The following COL14A1 variants were observed in gnomAD, a reference collection of about 807,000 sequenced individuals.
The protein encoded by COL14A1 is collagen type XIV alpha 1 chain.
Under a neutral mutation model 230.3 loss-of-function variants are expected in COL14A1, and 136 were observed. The observed-to-expected ratio is 0.59, with a 90% CI of 0.51 to 0.68. COL14A1 has a LOEUF of 0.68. COL14A1 is among the 30% of genes least tolerant of loss of function. The probability of loss-of-function intolerance (pLI) is 0.00; values close to 1 mark genes in which losing one functional copy is unlikely to be tolerated. For missense variants in COL14A1, 1,976 were observed against 2,215.8 expected, an observed-to-expected ratio of 0.89 and a Z score of 2.17; for synonymous variants, 792 against 784.1, an observed-to-expected ratio of 1.01 and a Z score of -0.17.
intron 40 of COL14A1, among the ~76,000 whole-genome samples, chr8:120,330,376 A>G (rs1043098165): frequency 6.6e-6 from 1 of 152,196 alleles, no homozygotes; most frequent in Non-Finnish European, 1.5e-5. Context: ...TGGGTAATTT[A>G]TAAAGGAAAG....
intron 26 of COL14A1, among the ~76,000 whole-genome samples, chr8:120,277,086 G>T (rs1330896523): frequency 6.6e-6 from 1 of 152,042 alleles, no homozygotes; most frequent in Non-Finnish European, 1.5e-5. Flanking sequence ...TGATCCAAAA[G>T]TTCCACAGGA....
intron 13 of COL14A1, chr8:120,213,918 C>A (rs1305080468): frequency 2.4e-6 from 1 of 408,688 alleles, no homozygotes; most frequent in South Asian, 1.8e-5. Flanking sequence ...TTTTTCTTTT[C>A]TACACTTTCT....
intron 5 of COL14A1, among the ~76,000 whole-genome samples, chr8:120,175,877 G>T (rs1301390922): frequency 1.3e-5 from 2 of 152,060 alleles, no homozygotes; most frequent in Non-Finnish European, 2.9e-5. Flanking sequence ...TTTCATAATT[G>T]CATAGGCTGT....
At chr8:120,203,546 C>T (rs540192350) in intron 8 of COL14A1, among the ~76,000 whole-genome samples, 163 bp from the exon 9 acceptor site, 14 of 151,884 alleles carry the variant, frequency 9.2e-5, no homozygotes, top group African/African-American at 2.4e-4. Flanking sequence ...CGGTTTATTT[C>T]GTGTGCGCAT....
At chr8:120,364,131 G>A (rs1823323196) in intron 45 of COL14A1, among the ~76,000 whole-genome samples, 1 of 152,088 alleles carries the variant, frequency 6.6e-6, no homozygotes, top group Admixed American at 6.5e-5. Context: ...AAGGACAGTG[G>A]CACTTAGCAC....
At position 120,255,275 on chromosome 8, in the gene COL14A1, G is replaced by C. The variant is rs780352518; in HGVS notation, c.2788G>C (p.Val930Leu). ...LGVTNLQAKH[V>L]EMTSLCAHWQ... ...TGTTACCAATCTCCAAGCCAAACAT[G>C]TTGAAATGACCAGCTTGTGTGCCCA... Residue 930 changes from valine (V) to leucine (L), a missense_variant, in exon 23 of 48, where the codon GTT becomes CTT. Coordinates refer to ENST00000297848, the MANE Select transcript of COL14A1 (RefSeq NM_021110.4). The C allele has an allele frequency of 1.9e-6, 3 of 1,614,148 alleles. No individual in the cohort carries two copies. Among genetic ancestry groups the C allele is most frequent in the Non-Finnish European group, 2.5e-6 (3 of 1,179,998 alleles).
intron 45 of COL14A1, among the ~76,000 whole-genome samples, chr8:120,353,806 G>A (rs1219881603): frequency 1.3e-5 from 2 of 151,908 alleles, no homozygotes; most frequent in Non-Finnish European, 2.9e-5. Flanking sequence ...CTGTAAACTA[G>A]TTCAACCATT....
Position 120,345,461 on chromosome 8 carries a change from C to A in COL14A1, c.4975C>A (p.Pro1659Thr). Residue 1659 changes from proline to threonine, a missense_variant, in exon 45 of 48, where the codon CCT (proline) becomes ACT (threonine). Physicochemically the swap from Pro to Thr is conservative, Grantham distance 38 (BLOSUM62 -1). Transcript: ENST00000297848. ...GACTGTCCAAGGGCCTCCTGGGGAGCCTGGGAGGCCAGGCTCACCTGGAGC... is the reference window on the plus strand; with the variant it reads ...GACTGTCCAAGGGCCTCCTGGGGAGACTGGGAGGCCAGGCTCACCTGGAGC... ...IRTVQGPPGE[P>T]GRPGSPGAPG... 1.9e-6 allele frequency: 3 copies of A among 1,602,608 alleles called. No homozygotes were observed. Among genetic ancestry groups the A allele is most frequent in the Non-Finnish European group, 2.6e-6 (3 of 1,174,828 alleles).
At chr8:120,198,644 A>G (rs1023351603) in intron 7 of COL14A1, among the ~76,000 whole-genome samples, 1 of 152,180 alleles carries the variant, frequency 6.6e-6, no homozygotes, top group African/African-American at 2.4e-5. Flanking sequence ...ATATAATGCA[A>G]ATATTCCAAA....
chr8:120,341,349 C>A lies in COL14A1; in HGVS notation c.4810C>A (p.Arg1604=). ...PPGVPGAKGE[R]GERGDLQSQA... The stretch of plus-strand genomic sequence containing the variant: ...GGGTGTCCCTGGAGCAAAGGGGGAA[C>A]GAGGAGAGCGGGTAAGTATCCTGTG... Residue 1604 remains arginine (R), a synonymous_variant, in exon 43 of 48, where the codon CGA becomes AGA. Transcript: ENST00000297848. The A allele has an allele frequency of 6.2e-7, 1 of 1,614,142 alleles. No homozygotes were observed. Among genetic ancestry groups the A allele is most frequent in the South Asian group, 1.1e-5 (1 of 91,078 alleles).
Position 120,250,714 on chromosome 8 carries a change from T to C in COL14A1, c.2700T>C (p.Phe900=). Residue 900 remains phenylalanine, a synonymous_variant, in exon 22 of 48, where the codon TTT becomes TTC. Transcript: ENST00000297848. ...GAATGGACTACAATGTGAAGATATT[T>C]GCCTCCCAGGCCTCAGGCTTCAGCG... ...LSGMDYNVKI[F]ASQASGFSDA... 1 of 1,614,260 alleles carries C rather than the reference T, an allele frequency of 6.2e-7. No homozygotes were observed. Among genetic ancestry groups the C allele is most frequent in the Non-Finnish European group, 8.5e-7 (1 of 1,180,040 alleles).
intron 19 of COL14A1, among the ~76,000 whole-genome samples, chr8:120,237,209 A>G (rs1277855390): frequency 6.6e-6 from 1 of 152,230 alleles, no homozygotes; most frequent in African/African-American, 2.4e-5. Flanking sequence ...TGTGTTTTCC[A>G]ACTTCGTTCC....
intron 45 of COL14A1, among the ~76,000 whole-genome samples, 162 bp from the exon 46 acceptor site, chr8:120,367,008 CA>C (rs142124383): frequency 0.014 from 2,076 of 152,248 alleles, 41 homozygotes; most frequent in African/African-American, 0.046. Flanking sequence ...CATATACTAC[CA>C]ATGTCAGAAT....
intron 36 of COL14A1, among the ~76,000 whole-genome samples, chr8:120,306,135 T>C (rs12156130): frequency 0.026 from 3,992 of 152,304 alleles, 65 homozygotes; most frequent in Non-Finnish European, 0.043. Flanking sequence ...TATACTATAG[T>C]TTTTTATTGT....
chr8:120,257,732 A>G lies in COL14A1; in HGVS notation c.2869+2376A>G, dbSNP rs563632559. ...AATTTCAGTCTTTCCACTCCAGGCA[A>G]AGGAGATACTAGGAATAAATGAGAC... On this transcript the variant is annotated intron_variant, in intron 23 of 47. Coordinates refer to ENST00000297848, the MANE Select transcript of COL14A1 (RefSeq NM_021110.4). Among the ~76,000 whole-genome samples the G allele has an allele frequency of 7.9e-5, 12 of 152,284 alleles. No individual in the cohort carries two copies. The South Asian group carries it at 2.3e-3, about 29-fold the overall frequency.
chr8:120,158,291 A>C (rs1343211966), intron 3 of COL14A1, 45 bp downstream of exon 3: 3 of 1,078,016 alleles, frequency 2.8e-6, no homozygotes, highest in Admixed American at 3.5e-5. Context: ...GCAACTTTTC[A>C]TGCATAGGCA....
intron 46 of COL14A1, among the ~76,000 whole-genome samples, chr8:120,367,571 AGGT>A (rs1298692015): frequency 6.6e-6 from 1 of 152,172 alleles, no homozygotes; most frequent in Non-Finnish European, 1.5e-5. Context: ...CATATGAATA[AGGT>A]AGCTCTCTTC....
intron 3 of COL14A1, among the ~76,000 whole-genome samples, chr8:120,161,129 G>A (rs1315739100): frequency 1.3e-5 from 2 of 152,086 alleles, no homozygotes; most frequent in East Asian, 3.8e-4. Context: ...AATGGGTTTT[G>A]GCAAGAGAAA....
chr8:120,330,665 C>G (rs1351758841), intron 40 of COL14A1, among the ~76,000 whole-genome samples: 1 of 152,146 alleles, frequency 6.6e-6, no homozygotes, highest in Non-Finnish European at 1.5e-5. Context: ...GGTGGGGACA[C>G]AGCCAAACCA....
Sources: allele counts gnomAD v4.1 joint callset (sites outside exome capture counted in the v4.1 genomes callset), GRCh38; gene constraint gnomAD v4.1.1; transcripts MANE v1.5; gene names NCBI Gene and HGNC (gene_info 2026-07-23, HGNC 2026-07-21).